The following ATP2B1 variants were observed in gnomAD, a reference collection of about 807,000 sequenced individuals.
ATP2B1 encodes the protein ATPase plasma membrane Ca2+ transporting 1, also known as plasma membrane calcium-transporting ATPase 1.
Under a neutral mutation model 124.2 loss-of-function variants are expected in ATP2B1, and 14 were observed. That is an observed-to-expected ratio of 0.11 (90% CI 0.07 to 0.18). The LOEUF (loss-of-function observed/expected upper bound fraction) is 0.18, where lower values mean the gene tolerates loss of function less well. ATP2B1 is among the 10% of genes least tolerant of loss of function. The probability of loss-of-function intolerance (pLI) is 1.00; values close to 1 mark genes in which losing one functional copy is unlikely to be tolerated. For synonymous variants in ATP2B1, 449 were observed against 492.4 expected (o/e 0.91, Z 1.17); for missense variants, 763 against 1,466.1 (o/e 0.52, Z 7.83).
At chr12:89,652,208 T>C (rs1885346773) in intron 2 of ATP2B1, among the ~76,000 whole-genome samples, 1 of 152,354 alleles carries the variant, frequency 6.6e-6, no homozygotes, top group South Asian at 2.1e-4. Flanking sequence ...AAATGCCTAC[T>C]GCGTGGCAGA....
intron 2 of ATP2B1, among the ~76,000 whole-genome samples, chr12:89,648,818 G>A (rs1049162248): frequency 2.6e-5 from 4 of 152,242 alleles, no homozygotes; most frequent in African/African-American, 7.2e-5. Context: ...TAGGCCCAGG[G>A]TGCAGCTGTC....
intron 2 of ATP2B1, among the ~76,000 whole-genome samples, chr12:89,648,653 A>G (rs1720618072): frequency 6.6e-6 from 1 of 152,234 alleles, no homozygotes; most frequent in African/African-American, 2.4e-5. Context: ...CTGTGGTGCA[A>G]TCACTTTCTA....
In ATP2B1 at chr12:89,708,816, GC is replaced by G. The variant is rs1247009678; in HGVS notation, c.-443del. The G allele has an allele frequency of 6.6e-6, 1 of 151,974 alleles. No individual in the cohort carries two copies. 9.4% of individuals were successfully genotyped at this position (151,974 alleles called of 1,614,324 possible). A position where few individuals can be genotyped will look rare whatever the true frequency, so the allele number is the denominator to read the frequency against. ...AGAGGCTCGGCGTCCACCAGCCGGGGCTCCCTACTCACGCTGCACTGCGAGG... is the reference window on the plus strand; with the variant it reads ...AGAGGCTCGGCGTCCACCAGCCGGGGTCCCTACTCACGCTGCACTGCGAGG... On this transcript the variant is annotated 5_prime_UTR_variant, in exon 1 of 21. Transcript: ENST00000428670.
chr12:89,591,315 C>T lies in ATP2B1; in HGVS notation c.3352-20G>A. On this transcript the variant is annotated intron_variant, in intron 20 of 20. Coordinates refer to ENST00000428670, the MANE Select transcript of ATP2B1 (RefSeq NM_001366521.1). Reference sequence around the variant, plus strand: ...TCGAATCTGTAAATATCAGAAAATACAGAAATATGTCAGTACACTATTAAC... The same window carrying T: ...TCGAATCTGTAAATATCAGAAAATATAGAAATATGTCAGTACACTATTAAC... 1 of 1,586,070 alleles carries T rather than the reference C, an allele frequency of 6.3e-7. No individual in the cohort carries two copies. Among genetic ancestry groups the T allele is most frequent in the Non-Finnish European group, 8.6e-7 (1 of 1,164,652 alleles).
chr12:89,684,235 G>A (rs189578971), intron 1 of ATP2B1, among the ~76,000 whole-genome samples: 2 of 152,328 alleles, frequency 1.3e-5, no homozygotes, highest in African/African-American at 2.4e-5. Flanking sequence ...GGAAAGGACT[G>A]ACTGTACATT....
intron 1 of ATP2B1, among the ~76,000 whole-genome samples, chr12:89,657,118 A>T (rs1886054603): frequency 6.6e-6 from 1 of 152,218 alleles, no homozygotes; most frequent in African/African-American, 2.4e-5. Flanking sequence ...CACTCATTAA[A>T]TAGCTCTGCC....
chr12:89,613,605 T>A (rs1218465939), intron 12 of ATP2B1, among the ~76,000 whole-genome samples: 1 of 152,204 alleles, frequency 6.6e-6, no homozygotes, highest in African/African-American at 2.4e-5. Flanking sequence ...TGTTATCTCA[T>A]TTGAGATAAA....
intron 1 of ATP2B1, among the ~76,000 whole-genome samples, chr12:89,664,341 A>C (rs1887045615): frequency 6.6e-6 from 1 of 152,200 alleles, no homozygotes; most frequent in Non-Finnish European, 1.5e-5. Context: ...TACTTAATTA[A>C]GCAGAGTATA....
chr12:89,600,064 C>A (rs1460954929), intron 19 of ATP2B1, among the ~76,000 whole-genome samples: 1 of 152,110 alleles, frequency 6.6e-6, no homozygotes, highest in Non-Finnish European at 1.5e-5. Context: ...GACTAGGAAC[C>A]TAGGTCTCCT....
intron 6 of ATP2B1, among the ~76,000 whole-genome samples, chr12:89,628,516 A>G (rs752554503): frequency 8.5e-5 from 13 of 152,132 alleles, no homozygotes; most frequent in Non-Finnish European, 1.6e-4. Context: ...TAGTAAAACT[A>G]GAATACGAAT....
At chr12:89,679,007 G>C (rs1176631266) in intron 1 of ATP2B1, among the ~76,000 whole-genome samples, 1 of 151,830 alleles carries the variant, frequency 6.6e-6, no homozygotes, top group Admixed American at 6.6e-5. Flanking sequence ...TTTCTAGTTT[G>C]TACCTCTTGG....
chr12:89,626,898 GTGTTA>G (rs1240906893), intron 7 of ATP2B1, among the ~76,000 whole-genome samples: 1 of 152,100 alleles, frequency 6.6e-6, no homozygotes, highest in Non-Finnish European at 1.5e-5. Context: ...CTTTTCCTGT[GTGTTA>G]TGTTAGGTAA....
At chr12:89,593,611 CTTAAG>C (rs1874010463) in intron 20 of ATP2B1, 1 of 151,914 alleles carries the variant, frequency 6.6e-6, no homozygotes, top group African/African-American at 2.4e-5. Flanking sequence ...AAAGTGTAAA[CTTAAG>C]TTAGAGATTT....
chr12:89,652,847 C>A (rs1392053402), intron 2 of ATP2B1, among the ~76,000 whole-genome samples: 1 of 152,154 alleles, frequency 6.6e-6, no homozygotes, highest in East Asian at 1.9e-4. Context: ...AAGTGATTCT[C>A]CTGCCTCAGC....
chr12:89,703,080 A>T (rs899561248), intron 1 of ATP2B1, among the ~76,000 whole-genome samples: 6 of 152,224 alleles, frequency 3.9e-5, no homozygotes, highest in Non-Finnish European at 7.3e-5. Flanking sequence ...TGGAACAAAC[A>T]AAAACAGGTT....
intron 15 of ATP2B1, 101 bp from the exon 16 acceptor site, chr12:89,604,447 C>T: frequency 1.2e-6 from 1 of 818,690 alleles, no homozygotes; most frequent in East Asian, 2.8e-5. Context: ...ACCATTATAC[C>T]TAATAAATAT....
At chr12:89,648,753 T>C (rs1454065819) in intron 2 of ATP2B1, among the ~76,000 whole-genome samples, 2 of 152,218 alleles carry the variant, frequency 1.3e-5, no homozygotes, top group African/African-American at 2.4e-5. Flanking sequence ...ATCTTTGGGA[T>C]AGCCCCTCCC....
intron 8 of ATP2B1, among the ~76,000 whole-genome samples, chr12:89,625,452 C>T (rs7297206): frequency 0.6 from 91,621 of 151,596 alleles, 28,253 homozygotes; most frequent in East Asian, 0.76. Flanking sequence ...GGTGTAGTGG[C>T]GTGCATCTGT....
chr12:89,655,584 T>C (rs1206791518), intron 2 of ATP2B1, 95 bp downstream of exon 2: 2 of 1,202,982 alleles, frequency 1.7e-6, no homozygotes, highest in Non-Finnish European at 2.4e-6. Flanking sequence ...GTCATAATCA[T>C]ACAATCGCCA....
Sources: allele counts gnomAD v4.1 joint callset (sites outside exome capture counted in the v4.1 genomes callset), GRCh38; gene constraint gnomAD v4.1.1; transcripts MANE v1.5; gene names NCBI Gene and HGNC (gene_info 2026-07-23, HGNC 2026-07-21).